GLI3: variants seen among roughly 807,000 people sequenced by gnomAD.
GLI3 encodes the protein transcription activator GLI3.
Under a neutral mutation model 100.8 loss-of-function variants are expected in GLI3, and 20 were observed. The ratio of observed to expected loss-of-function variants is 0.20; its 90% CI spans 0.14 to 0.29. The LOEUF (loss-of-function observed/expected upper bound fraction) is 0.29, where lower values mean the gene tolerates loss of function less well. Among genes scored for constraint, GLI3 ranks in the 10% least tolerant of loss-of-function variants. The pLI, the probability that GLI3 is intolerant of heterozygous loss-of-function variation, is 1.00. For missense variants in GLI3, 2,040 were observed against 2,128.5 expected (o/e 0.96, Z 0.82); for synonymous variants, 938 against 860.5 (o/e 1.09, Z -1.58).
chr7:41,967,851 T>G lies in GLI3; in HGVS notation c.2176A>C (p.Ser726Arg). Residue 726 changes from serine to arginine, a missense_variant, in exon 14 of 15, where the codon AGT (serine) becomes CGT (arginine). Physicochemically the swap from Ser to Arg is moderately radical, Grantham distance 110 (BLOSUM62 -1). Transcript: ENST00000395925. ...TCGGTCAGAGGAAGCTCGAGCCCACTGTTGGAATAGTTGCTGATGGGGGAC... is the reference window on the plus strand; with the variant it reads ...TCGGTCAGAGGAAGCTCGAGCCCACGGTTGGAATAGTTGCTGATGGGGGAC... ...QQSPISNYSN[S>R]GLELPLTDGG... 1.2e-6 allele frequency: 2 copies of G among 1,614,112 alleles called. No homozygotes were observed. The highest frequency in any genetic ancestry group is 2.2e-5 in the South Asian group (2 of 91,076).
intron 2 of GLI3, among the ~76,000 whole-genome samples, chr7:42,168,590 A>C (rs1261917161): frequency 6.6e-6 from 1 of 152,148 alleles, no homozygotes; most frequent in Non-Finnish European, 1.5e-5. Context: ...CAAGGAGAAG[A>C]AGCCAGACAC....
At chr7:42,015,299 T>C (rs1040872058) in intron 10 of GLI3, among the ~76,000 whole-genome samples, 2 of 152,060 alleles carry the variant, frequency 1.3e-5, no homozygotes, top group African/African-American at 4.8e-5. Flanking sequence ...GGTAACTGGG[T>C]GGGGTCGGGT....
intron 11 of GLI3, chr7:41,977,960 C>T (rs1326456289): frequency 2.0e-5 from 11 of 560,076 alleles, no homozygotes; most frequent in Non-Finnish European, 3.2e-5. Flanking sequence ...TTTAATAGAC[C>T]GCTCAATGTG....
At chr7:42,021,477 C>T (rs532289588) in intron 10 of GLI3, among the ~76,000 whole-genome samples, 3 of 152,268 alleles carry the variant, frequency 2.0e-5, no homozygotes, top group Non-Finnish European at 2.9e-5. Context: ...TCGAGACCAT[C>T]GGCCACTGAA....
intron 3 of GLI3, among the ~76,000 whole-genome samples, chr7:42,095,089 G>A (rs1023910485): frequency 2.0e-5 from 3 of 152,194 alleles, no homozygotes; most frequent in African/African-American, 7.2e-5. Flanking sequence ...CGGGGGCAAG[G>A]GCGTGCTTGG....
chr7:42,067,012 G>A (rs1784688895), intron 4 of GLI3, among the ~76,000 whole-genome samples: 2 of 152,098 alleles, frequency 1.3e-5, no homozygotes, highest in Non-Finnish European at 1.5e-5. Context: ...GGGTACATAC[G>A]CATATACAGT....
chr7:42,017,808 C>G (rs963790434), intron 10 of GLI3, among the ~76,000 whole-genome samples: 2 of 152,202 alleles, frequency 1.3e-5, no homozygotes, highest in African/African-American at 4.8e-5. Context: ...TCTCCTCCCC[C>G]ACTCAACCCA....
At chr7:42,040,008 A>C (rs556339876) in intron 7 of GLI3, 30 bp downstream of exon 7, 93 of 1,540,642 alleles carry the variant, frequency 6.0e-5, no homozygotes, top group Middle Eastern at 1.7e-4. Context: ...ACATTTAAAA[A>C]ACACATAATG....
At chr7:42,242,311 C>A (rs1788933506), upstream of GLI3, among the ~76,000 whole-genome samples, 3 of 152,216 alleles carry the variant, frequency 2.0e-5, no homozygotes, top group South Asian at 6.2e-4. Context: ...TCCCTACAGC[C>A]TTATACTTGC....
upstream of GLI3, among the ~76,000 whole-genome samples, chr7:42,240,907 A>G (rs1384721466): frequency 6.6e-6 from 1 of 152,206 alleles, no homozygotes; most frequent in Non-Finnish European, 1.5e-5. Context: ...GGCCGATGTT[A>G]TACAAATACT....
rs766899370 is a variant in GLI3 at position 41,965,127 on chromosome 7, C to T, written c.3946G>A (p.Asp1316Asn). 55 of 1,613,866 alleles carry T rather than the reference C, an allele frequency of 3.4e-5. 1 individual carries two copies. In the South Asian group the frequency reaches 5.6e-4, roughly 16 times the overall value. Residue 1316 changes from aspartate to asparagine, a missense_variant, in exon 15 of 15, where the codon GAC becomes AAC. Coordinates refer to ENST00000395925, the MANE Select transcript of GLI3 (RefSeq NM_000168.6). Reference protein sequence around the residue: ...GSMVNGMQNQDPVGQGYLAHQ... With the variant: ...GSMVNGMQNQNPVGQGYLAHQ... ...GCCAGGTACCCCTGTCCCACTGGGT[C>T]CTGGTTCTGCATGCCATTCACCATG...
chr7:41,966,569 C>T lies in GLI3; in HGVS notation c.2504G>A (p.Gly835Glu). 2 of 1,614,054 alleles carry T rather than the reference C, an allele frequency of 1.2e-6. No individual in the cohort carries two copies. Among genetic ancestry groups the T allele is most frequent in the Non-Finnish European group, 1.7e-6 (2 of 1,180,006 alleles). Reference sequence around the variant, plus strand: ...CATGTTCAGCATAGTGACGTCCACCCCAGAGAGGTCGCTTCTGCCCGGGAG... The same window carrying T: ...CATGTTCAGCATAGTGACGTCCACCTCAGAGAGGTCGCTTCTGCCCGGGAG... ...TLLPGRSDLS[G>E]VDVTMLNMLN... The change falls in exon 15 of 15, where the codon GGG (glycine) becomes GAG (glutamate). Residue 835 changes from glycine (G) to glutamate (E), a missense_variant. By Grantham distance (98) the Gly-to-Glu change is moderately conservative. Coordinates refer to ENST00000395925, the MANE Select transcript of GLI3 (RefSeq NM_000168.6). The surrounding 1 kb of genome is among the most constrained non-coding windows in gnomAD (Gnocchi z 5.8).
intron 3 of GLI3, among the ~76,000 whole-genome samples, chr7:42,138,933 G>T (rs77423011): frequency 5.3e-5 from 8 of 152,160 alleles, no homozygotes; most frequent in African/African-American, 1.9e-4. Flanking sequence ...AGTCTCCTCC[G>T]GGGTCCCATC....
At chr7:42,237,938 C>T (rs1788856636), upstream of GLI3, 1 of 146,822 alleles carries the variant, frequency 6.8e-6, no homozygotes, top group Non-Finnish European at 1.5e-5. Flanking sequence ...GGGGGGAGCC[C>T]GGGCGCCGCG....
rs1467019923 is a variant in GLI3, at chr7:41,961,163, G to A, written c.*3167C>T. 6.6e-6 allele frequency: 1 copy of A among 152,392 alleles called. No individual in the cohort carries two copies. Among genetic ancestry groups the A allele is most frequent in the Non-Finnish European group, 1.5e-5 (1 of 68,010 alleles). The allele number at this position is 152,392 out of a possible 1,614,324, so 9.4% of individuals were successfully genotyped here. A position where few individuals can be genotyped will look rare whatever the true frequency, so the allele number is the denominator to read the frequency against. On this transcript the variant is annotated 3_prime_UTR_variant, in exon 15 of 15. Coordinates refer to ENST00000395925, the MANE Select transcript of GLI3 (RefSeq NM_000168.6). ...AACGCTATGCCTACAATACTTAAATGTATTTACATGTGTTTCTTTTAAAAA... is the reference window on the plus strand; with the variant it reads ...AACGCTATGCCTACAATACTTAAATATATTTACATGTGTTTCTTTTAAAAA...
At chr7:42,022,947 A>G (rs1025957564) in intron 10 of GLI3, among the ~76,000 whole-genome samples, 2 of 152,194 alleles carry the variant, frequency 1.3e-5, no homozygotes, top group Non-Finnish European at 2.9e-5. Context: ...TTTTTCCATG[A>G]AACTACTAAC....
At chr7:42,244,142 C>G (rs1017491252) in intron 1 of GLI3, among the ~76,000 whole-genome samples, 9 of 152,154 alleles carry the variant, frequency 5.9e-5, no homozygotes, top group African/African-American at 2.2e-4. Flanking sequence ...CAGATTTTGA[C>G]TAGTTCTTTC....
chr7:42,011,743 T>C (rs1314345126), intron 10 of GLI3, among the ~76,000 whole-genome samples: 4 of 152,092 alleles, frequency 2.6e-5, no homozygotes, highest in Admixed American at 2.0e-4. Context: ...GGTTGGTGGT[T>C]TTCAGGGGCT....
chr7:42,214,043 G>A (rs1039401420), intron 2 of GLI3, among the ~76,000 whole-genome samples: 3 of 152,180 alleles, frequency 2.0e-5, no homozygotes, highest in Admixed American at 6.5e-5. Flanking sequence ...AAAGAAGCCC[G>A]TCTCCACCCA....
Sources: allele counts gnomAD v4.1 joint callset (sites outside exome capture counted in the v4.1 genomes callset), GRCh38; gene constraint gnomAD v4.1.1; non-coding constraint Gnocchi (gnomAD v3.1); transcripts MANE v1.5; gene names NCBI Gene and HGNC (gene_info 2026-07-23, HGNC 2026-07-21).